Variants in PAX1 observed in about 807,000 individuals in gnomAD.
The protein encoded by PAX1 is paired box protein Pax-1.
Under a neutral mutation model 35.6 loss-of-function variants are expected in PAX1, and 18 were observed. That is an observed-to-expected ratio of 0.50 (90% CI 0.35 to 0.75). PAX1 has a LOEUF of 0.75. Among genes scored for constraint, PAX1 ranks in the 30% least tolerant of loss-of-function variants. The pLI is 0.01. For missense variants in PAX1, 760 were observed against 661.5 expected (o/e 1.15, Z -1.63); for synonymous variants, 397 against 305.2 (o/e 1.30, Z -3.14).
chr20:21,709,737 G>C (rs1428993456), intron 4 of PAX1, among the ~76,000 whole-genome samples: 1 of 152,058 alleles, frequency 6.6e-6, no homozygotes, highest in South Asian at 2.1e-4. Flanking sequence ...GCGTGGGTTT[G>C]GATCCGGTTC....
In PAX1 at chr20:21,705,843, G is replaced by C; in HGVS notation, c.131G>C (p.Arg44Pro). Residue 44 changes from arginine (R) to proline (P), a missense_variant, in exon 1 of 5, where the codon CGG (arginine) becomes CCG (proline). Around this residue, in one of 3 missense-constraint regions of PAX1, gnomAD observed 222 missense variants for 153.0 expected, o/e 1.45. Coordinates refer to ENST00000613128, the MANE Select transcript of PAX1 (RefSeq NM_001257096.2). The part of the protein sequence containing the change: ...RCRAQRVSSP[R>P]LGRRGSRLSG... ...CGCGCACAGCGCGTCTCCAGCCCGC[G>C]GCTGGGCCGCCGCGGCTCTCGGCTC... 1 of 1,371,620 alleles carries C rather than the reference G, an allele frequency of 7.3e-7. No homozygotes were observed. 85.0% of individuals were successfully genotyped at this position (1,371,620 alleles called of 1,614,324 possible). A position where few individuals can be genotyped will look rare whatever the true frequency, so the allele number is the denominator to read the frequency against.
At chr20:21,708,492 G>T in intron 2 of PAX1, 66 bp from the exon 3 acceptor site, 1 of 1,585,560 alleles carries the variant, frequency 6.3e-7, no homozygotes, top group Non-Finnish European at 8.6e-7. Flanking sequence ...AAATTGGGTG[G>T]TTGGCCACAC....
At chr20:21,708,983 CCGAT>C (rs1985106296) in intron 3 of PAX1, among the ~76,000 whole-genome samples, 1 of 152,148 alleles carries the variant, frequency 6.6e-6, no homozygotes, top group Non-Finnish European at 1.5e-5. Context: ...TCTCTAAATC[CCGAT>C]ATGAATACCA....
At position 21,706,837 on chromosome 20, in the gene PAX1, C is replaced by T. The variant is rs767391855; in HGVS notation, c.686C>T (p.Ala229Val). ...CTGCGCAACAAGATCGGCAGCCTGG[C>T]GCAGCCCGGACCGTACGAGGCAAGT... ...RILRNKIGSL[A>V]QPGPYEASKQ... The change falls in exon 2 of 5, where the codon GCG (alanine) becomes GTG (valine). Residue 229 changes from alanine (A) to valine (V), a missense_variant. Ala to Val is a moderately conservative substitution (Grantham distance 64). This residue lies in a region of PAX1 where 490 missense variants were observed against 428.4 expected (regional missense o/e 1.14). Transcript: ENST00000613128. This position sits in a 1 kb window ranked among gnomAD's most constrained non-coding sequence, Gnocchi z 5.3. The T allele has an allele frequency of 3.1e-6, 5 of 1,613,408 alleles. No homozygotes were observed. In the South Asian group the frequency reaches 5.5e-5, roughly 18 times the overall value.
At position 21,714,485 on chromosome 20, in the gene PAX1, C is replaced by A. The variant is rs1985297552; in HGVS notation, c.1297C>A (p.Pro433Thr). 1.9e-6 allele frequency: 3 copies of A among 1,583,358 alleles called. No homozygotes were observed. The highest frequency in any genetic ancestry group is 4.6e-5 in the East Asian group (2 of 43,070). The change falls in exon 5 of 5, where the codon CCT (proline) becomes ACT (threonine). Residue 433 changes from proline (P) to threonine (T), a missense_variant. Transcript: ENST00000613128. ...HPSREVADRK[P>T]PSSGSKAPDA... The stretch of plus-strand genomic sequence containing the variant: ...TCCTCCCGCAGTGGCTGACAGGAAG[C>A]CTCCCAGCTCCGGCAGCAAGGCCCC...
chr20:21,709,074 A>C (rs2122138929), intron 3 of PAX1, 148 bp from the exon 4 acceptor site: 2 of 750,512 alleles, frequency 2.7e-6, no homozygotes, highest in Admixed American at 3.7e-5. Context: ...CCTGACTAGG[A>C]AATTTAGAGG....
Position 21,706,976 on chromosome 20 carries a change from C to T in PAX1, c.825C>T (p.Gly275=), listed in dbSNP as rs532095602. 2 of 1,612,660 alleles carry T rather than the reference C, an allele frequency of 1.2e-6. No individual in the cohort carries two copies. The highest frequency in any genetic ancestry group is 2.2e-5 in the South Asian group (2 of 91,064). ...TGGGCAGCCACCCCGGGGTCCCGGGCACGGCGGGCCACGTCAGCATCCCGC... is the reference window on the plus strand; with the variant it reads ...TGGGCAGCCACCCCGGGGTCCCGGGTACGGCGGGCCACGTCAGCATCCCGC... ...AKMGSHPGVP[G]TAGHVSIPRS... The change falls in exon 2 of 5, where the codon GGC becomes GGT. Residue 275 remains glycine, a synonymous_variant. Transcript: ENST00000613128. This position sits in a 1 kb window ranked among gnomAD's most constrained non-coding sequence, Gnocchi z 5.3.
At position 21,708,347 on chromosome 20, in the gene PAX1, A is replaced by G; in HGVS notation, c.917-211A>G. On this transcript the variant is annotated intron_variant, in intron 2 of 4. Transcript: ENST00000613128. ...CGTGGGAAACCGGTTGAAGGCTAGGAGGACCGGGCAGCAGGCCTGGCTGCC... is the reference window on the plus strand; with the variant it reads ...CGTGGGAAACCGGTTGAAGGCTAGGGGGACCGGGCAGCAGGCCTGGCTGCC... The G allele has an allele frequency of 4.3e-6, 3 of 697,830 alleles. No individual in the cohort carries two copies. The South Asian group carries it at 4.8e-5, about 11-fold the overall frequency. 43.2% of individuals were successfully genotyped at this position (697,830 alleles called of 1,614,324 possible). A position where few individuals can be genotyped will look rare whatever the true frequency, so the allele number is the denominator to read the frequency against.
At position 21,705,813 on chromosome 20, in the gene PAX1, G is replaced by T; in HGVS notation, c.101G>T (p.Arg34Leu). 7.7e-7 allele frequency: 1 copy of T among 1,295,184 alleles called. No individual in the cohort carries two copies. The highest frequency in any genetic ancestry group is 9.8e-7 in the Non-Finnish European group (1 of 1,023,756). The allele number at this position is 1,295,184 out of a possible 1,614,324, so 80.2% of individuals were successfully genotyped here. A position where few individuals can be genotyped will look rare whatever the true frequency, so the allele number is the denominator to read the frequency against. The change falls in exon 1 of 5, where the codon CGC becomes CTC. Residue 34 changes from arginine (R) to leucine (L), a missense_variant. By Grantham distance (102) the Arg-to-Leu change is moderately radical. This residue lies in a region of PAX1 where 222 missense variants were observed against 153.0 expected (regional missense o/e 1.45). Coordinates refer to ENST00000613128, the MANE Select transcript of PAX1 (RefSeq NM_001257096.2). ...CCTGGAGCGGGCGGCAGCGCGCTCC[G>T]CTGCCGCGCACAGCGCGTCTCCAGC... ...AGPGAGGSALRCRAQRVSSPR... is the reference protein window; with the variant it reads ...AGPGAGGSALLCRAQRVSSPR...
Position 21,708,585 on chromosome 20 carries a change from C to T in PAX1, c.944C>T (p.Ala315Val), listed in dbSNP as rs1047615293. 8 of 1,613,826 alleles carry T rather than the reference C, an allele frequency of 5.0e-6. No individual in the cohort carries two copies. In the South Asian group the frequency reaches 6.6e-5, roughly 13 times the overall value. The stretch of plus-strand genomic sequence containing the variant: ...GCCCTGGCTGGGAGCGAAGGCACCG[C>T]TTACTCTCCCAAGATGGAAGACTGG... ...TGALAGSEGTAYSPKMEDWAG... is the reference protein window; with the variant it reads ...TGALAGSEGTVYSPKMEDWAG... Residue 315 changes from alanine (A) to valine (V), a missense_variant, in exon 3 of 5, where the codon GCT becomes GTT. Ala to Val is a moderately conservative substitution (Grantham distance 64). Around this residue, in one of 3 missense-constraint regions of PAX1, gnomAD observed 490 missense variants for 428.4 expected, o/e 1.14. Transcript: ENST00000613128.
intron 3 of PAX1, 100 bp from the exon 4 acceptor site, chr20:21,709,122 G>A: frequency 1.1e-6 from 1 of 926,472 alleles, no homozygotes; most frequent in Non-Finnish European, 1.8e-6. Context: ...GGCACAGGAC[G>A]TGGGGGAGCG....
At position 21,707,001 on chromosome 20, in the gene PAX1, C is replaced by T; in HGVS notation, c.850C>T (p.Arg284Cys). ...PGTAGHVSIP[R>C]SWPSAHSVSN... ...CACGGCGGGCCACGTCAGCATCCCG[C>T]GCTCATGGCCCTCGGCACACTCGGT... The change falls in exon 2 of 5, where the codon CGC becomes TGC. Residue 284 changes from arginine to cysteine, a missense_variant. Physicochemically the swap from Arg to Cys is radical, Grantham distance 180. This residue lies in a region of PAX1 where 490 missense variants were observed against 428.4 expected (regional missense o/e 1.14). Transcript: ENST00000613128. 1 of 1,613,030 alleles carries T rather than the reference C, an allele frequency of 6.2e-7. No homozygotes were observed. The highest frequency in any genetic ancestry group is 8.5e-7 in the Non-Finnish European group (1 of 1,179,986).
Position 21,708,558 on chromosome 20 carries a change from G to C in PAX1, c.917G>C (p.Gly306Ala). Reference protein sequence around the residue: ...LGIRTFMEQTGALAGSEGTAY... With the variant: ...LGIRTFMEQTAALAGSEGTAY... ...TTAATCCGTCCTCTCTCTCCTGCAGGGGCCCTGGCTGGGAGCGAAGGCACC... is the reference window on the plus strand; with the variant it reads ...TTAATCCGTCCTCTCTCTCCTGCAGCGGCCCTGGCTGGGAGCGAAGGCACC... The change falls in exon 3 of 5, where the codon GGG (glycine) becomes GCG (alanine). Residue 306 changes from glycine to alanine, a missense_variant and splice_region_variant. Around this residue, in one of 3 missense-constraint regions of PAX1, gnomAD observed 490 missense variants for 428.4 expected, o/e 1.14. Coordinates refer to ENST00000613128, the MANE Select transcript of PAX1 (RefSeq NM_001257096.2). The C allele has an allele frequency of 6.2e-7, 1 of 1,613,592 alleles. No individual in the cohort carries two copies. The highest frequency in any genetic ancestry group is 1.7e-4 in the Middle Eastern group (1 of 5,880).
intron 2 of PAX1, among the ~76,000 whole-genome samples, chr20:21,707,359 C>T (rs930283328): frequency 1.3e-5 from 2 of 152,136 alleles, no homozygotes; most frequent in Non-Finnish European, 2.9e-5. Flanking sequence ...GTATGCAAGC[C>T]CCTGTTGCCA....
At chr20:21,710,962 A>G (rs1056296378) in intron 4 of PAX1, among the ~76,000 whole-genome samples, 1 of 152,246 alleles carries the variant, frequency 6.6e-6, no homozygotes, top group African/African-American at 2.4e-5. Flanking sequence ...AAATGTTAAA[A>G]GTTGAGAGTA....
Position 21,705,695 on chromosome 20 carries a change from C to T in PAX1, c.-18C>T, listed in dbSNP as rs1984952507. ...CGCACGCTGCAGCCTCCCGGTCAGA[C>T]GAATTTCTCCCAATCGGATGAAGTT... On this transcript the variant is annotated 5_prime_UTR_variant, in exon 1 of 5. In the 5' UTR this introduces an upstream ATG that the reference lacks. Transcript: ENST00000613128. The T allele has an allele frequency of 2.4e-6, 3 of 1,238,918 alleles. No individual in the cohort carries two copies. The highest frequency in any genetic ancestry group is 2.5e-4 in the Middle Eastern group (1 of 4,028). The allele number at this position is 1,238,918 out of a possible 1,614,324, so 76.7% of individuals were successfully genotyped here. A position where few individuals can be genotyped will look rare whatever the true frequency, so the allele number is the denominator to read the frequency against.
chr20:21,705,859 C>T lies in PAX1; in HGVS notation c.147C>T (p.Gly49=). 1 of 1,383,526 alleles carries T rather than the reference C, an allele frequency of 7.2e-7. No homozygotes were observed. The highest frequency in any genetic ancestry group is 9.4e-7 in the Non-Finnish European group (1 of 1,064,792). The allele number at this position is 1,383,526 out of a possible 1,614,324, so 85.7% of individuals were successfully genotyped here. A position where few individuals can be genotyped will look rare whatever the true frequency, so the allele number is the denominator to read the frequency against. ...CCAGCCCGCGGCTGGGCCGCCGCGGCTCTCGGCTCTCGGGCGCCCTCCCTC... is the reference window on the plus strand; with the variant it reads ...CCAGCCCGCGGCTGGGCCGCCGCGGTTCTCGGCTCTCGGGCGCCCTCCCTC... The part of the protein sequence containing the change: ...RVSSPRLGRR[G]SRLSGALPLC... Residue 49 remains glycine, a synonymous_variant, in exon 1 of 5, where the codon GGC becomes GGT. Transcript: ENST00000613128.
chr20:21,705,844 G>A lies in PAX1; in HGVS notation c.132G>A (p.Arg44=). Residue 44 remains arginine, a synonymous_variant, in exon 1 of 5, where the codon CGG becomes CGA. Transcript: ENST00000613128. ...RCRAQRVSSP[R]LGRRGSRLSG... ...GCGCACAGCGCGTCTCCAGCCCGCG[G>A]CTGGGCCGCCGCGGCTCTCGGCTCT... 1.5e-6 allele frequency: 2 copies of A among 1,371,348 alleles called. No individual in the cohort carries two copies. The highest frequency in any genetic ancestry group is 1.7e-5 in the South Asian group (1 of 60,204). 84.9% of individuals were successfully genotyped at this position (1,371,348 alleles called of 1,614,324 possible).
Position 21,714,865 on chromosome 20 carries a change from A to T in PAX1, c.*303A>T. 7.1e-7 allele frequency: 1 copy of T among 1,414,694 alleles called. No individual in the cohort carries two copies. The highest frequency in any genetic ancestry group is 2.3e-5 in the East Asian group (1 of 43,760). 87.6% of individuals were successfully genotyped at this position (1,414,694 alleles called of 1,614,324 possible). Reference sequence around the variant, plus strand: ...GGCCTCCTTCGCTCTGCCAGCTTCAAATTTCTTTTTTGTCACTCCCTTGTC... The same window carrying T: ...GGCCTCCTTCGCTCTGCCAGCTTCATATTTCTTTTTTGTCACTCCCTTGTC... On this transcript the variant is annotated 3_prime_UTR_variant, in exon 5 of 5. Transcript: ENST00000613128.
Sources: gnomAD v4.1 joint callset for allele counts (sites outside exome capture counted in the v4.1 genomes callset) on GRCh38, gnomAD v4.1.1 for gene constraint, gnomAD v4.1.1 regional missense constraint, Gnocchi (gnomAD v3.1) non-coding constraint, MANE v1.5 for transcripts, NCBI Gene and HGNC (gene_info 2026-07-23, HGNC 2026-07-21) for gene names.